The following CIP2A variants were observed in gnomAD, a reference collection of about 807,000 sequenced individuals.
CIP2A encodes protein CIP2A.
CIP2A carries 103 observed loss-of-function variants against 110.9 expected under a neutral mutation model. That is an observed-to-expected ratio of 0.93 (90% CI 0.79 to 1.09). The LOEUF (loss-of-function observed/expected upper bound fraction) is 1.09. Ranked by LOEUF, CIP2A falls within the 50% of genes least tolerant of loss-of-function variation. CIP2A has a pLI of 0.00. For synonymous variants in CIP2A, 381 were observed against 361.6 expected, an observed-to-expected ratio of 1.05 and a Z score of -0.61; for missense variants, 1,088 against 1,038.4, an observed-to-expected ratio of 1.05 and a Z score of -0.66.
At chr3:108,570,921 C>T (rs1412387232) in intron 8 of CIP2A, among the ~76,000 whole-genome samples, 1 of 152,104 alleles carries the variant, frequency 6.6e-6, no homozygotes, top group Admixed American at 6.6e-5. Flanking sequence ...TACAGCTATA[C>T]AAAAATACTT....
chr3:108,579,946 A>G (rs1410937252), intron 5 of CIP2A, among the ~76,000 whole-genome samples: 1 of 152,236 alleles, frequency 6.6e-6, no homozygotes, highest in Non-Finnish European at 1.5e-5. Flanking sequence ...TTGGAGATAA[A>G]TATTTCCAAA....
At chr3:108,554,054 C>A (rs897386648) in intron 18 of CIP2A, among the ~76,000 whole-genome samples, 8 of 151,912 alleles carry the variant, frequency 5.3e-5, no homozygotes, top group African/African-American at 1.9e-4. Flanking sequence ...CGCCACAACA[C>A]CCAGCTAATT....
chr3:108,554,905 A>T (rs1052503177), intron 17 of CIP2A, among the ~76,000 whole-genome samples: 6 of 152,224 alleles, frequency 3.9e-5, no homozygotes, highest in African/African-American at 1.4e-4. Context: ...TAATACTTTG[A>T]TACTCAACTA....
Position 108,554,860 on chromosome 3 carries a change from T to C in CIP2A, c.2211-371A>G, listed in dbSNP as rs950307481. Reference sequence around the variant, plus strand: ...ATCTAATAGTCCTAAGTATTTTACCTGCAAGGTAAACACAGAAAAAAATCC... The same window carrying C: ...ATCTAATAGTCCTAAGTATTTTACCCGCAAGGTAAACACAGAAAAAAATCC... On this transcript the variant is annotated intron_variant, in intron 17 of 20. Transcript: ENST00000295746. Among the ~76,000 whole-genome samples, 4 of 152,346 alleles carry C rather than the reference T, an allele frequency of 2.6e-5. No homozygotes were observed. In the South Asian group the frequency reaches 8.3e-4, roughly 32 times the overall value.
In CIP2A at chr3:108,550,659, C is replaced by T. The variant is rs1431426379; in HGVS notation, c.*490G>A. On this transcript the variant is annotated 3_prime_UTR_variant, in exon 21 of 21. Coordinates refer to ENST00000295746, the MANE Select transcript of CIP2A (RefSeq NM_020890.3). ...AAATTCACTAATATTTTCTTTTGTG[C>T]TTCTTCAGAGACAAACTTCTCTAGC... 2.6e-5 allele frequency: 4 copies of T among 151,660 alleles called. No individual in the cohort carries two copies. Among genetic ancestry groups the T allele is most frequent in the Non-Finnish European group, 5.9e-5 (4 of 67,804 alleles). The allele number at this position is 151,660 out of a possible 1,614,324, so 9.4% of individuals were successfully genotyped here.
chr3:108,582,638 C>G (rs1283674951), intron 3 of CIP2A, among the ~76,000 whole-genome samples: 1 of 152,136 alleles, frequency 6.6e-6, no homozygotes, highest in Admixed American at 6.5e-5. Context: ...TTTTGTAGAA[C>G]GTTTCCTCCA....
intron 11 of CIP2A, 97 bp downstream of exon 11, chr3:108,566,400 T>A: frequency 4.4e-6 from 4 of 912,678 alleles, no homozygotes; most frequent in Non-Finnish European, 6.7e-6. Context: ...ATATCTTAAG[T>A]TATAACCAAA....
chr3:108,553,894 TATAAAAAAAAAAA>T (rs976014404), intron 18 of CIP2A, among the ~76,000 whole-genome samples, 164 bp from the exon 19 acceptor site: 24 of 49,734 alleles, frequency 4.8e-4, no homozygotes, highest in Non-Finnish European at 7.2e-4. Context: ...CTACTAAAAA[TATAAAAAAAAAAA>T]AAAAAAAAAA....
intron 10 of CIP2A, 68 bp downstream of exon 10, chr3:108,568,087 G>T: frequency 8.6e-7 from 1 of 1,157,336 alleles, no homozygotes; most frequent in Non-Finnish European, 1.2e-6. Context: ...AAAATGCAGT[G>T]AATGCAATAC....
chr3:108,585,855 T>C, intron 1 of CIP2A: 1 of 445,524 alleles, frequency 2.2e-6, no homozygotes, highest in Non-Finnish European at 4.5e-6. Context: ...TTGTTTTTTT[T>C]ACTTTCTTGT....
At chr3:108,557,944 T>C (rs1423043876) in intron 16 of CIP2A, among the ~76,000 whole-genome samples, 10 of 152,142 alleles carry the variant, frequency 6.6e-5, no homozygotes, top group Non-Finnish European at 1.2e-4. Flanking sequence ...AAAAAGTTGG[T>C]TCCCCCCAGC....
At position 108,566,603 on chromosome 3, in the gene CIP2A, C is replaced by G. The variant is rs547737176; in HGVS notation, c.1309G>C (p.Ala437Pro). ...CGDDTLKMHI[A>P]KILTTVKCTT... Reference sequence around the variant, plus strand: ...CACTTGACAGTTGTCAAGATTTTTGCAATATGCATTTTTAGTGTATCATCT... The same window carrying G: ...CACTTGACAGTTGTCAAGATTTTTGGAATATGCATTTTTAGTGTATCATCT... Residue 437 changes from alanine (A) to proline (P), a missense_variant, in exon 11 of 21, where the codon GCA becomes CCA. Transcript: ENST00000295746. The G allele has an allele frequency of 5.0e-6, 8 of 1,604,598 alleles. No individual in the cohort carries two copies. The South Asian group carries it at 8.9e-5, about 18-fold the overall frequency.
At chr3:108,578,257 A>G (rs1938749253) in intron 7 of CIP2A, among the ~76,000 whole-genome samples, 2 of 152,246 alleles carry the variant, frequency 1.3e-5, no homozygotes, top group South Asian at 2.1e-4. Context: ...TCTGTTTACT[A>G]TGAAGATGCT....
intron 13 of CIP2A, 32 bp downstream of exon 13, chr3:108,563,094 C>G (rs956449154): frequency 7.2e-7 from 1 of 1,393,220 alleles, no homozygotes; most frequent in South Asian, 1.2e-5. Context: ...TCCAACACCA[C>G]AAGAGATACA....
At chr3:108,553,896 T>TAA (rs71103478) in intron 18 of CIP2A, among the ~76,000 whole-genome samples, 166 bp from the exon 19 acceptor site, 1 of 84,198 alleles carries the variant, frequency 1.2e-5, no homozygotes, top group African/African-American at 4.4e-5. Flanking sequence ...ACTAAAAATA[T>TAA]AAAAAAAAAA....
At chr3:108,587,793 T>C (rs1939113764) in intron 1 of CIP2A, among the ~76,000 whole-genome samples, 1 of 152,260 alleles carries the variant, frequency 6.6e-6, no homozygotes, top group South Asian at 2.1e-4. Flanking sequence ...TTTTTTTGTT[T>C]TGTTTTTGAG....
rs994124881 is a variant in CIP2A at position 108,568,280 on chromosome 3, T to A, written c.1148A>T (p.Asp383Val). Reference protein sequence around the residue: ...VIDAANCSSADRFVTLLLPTI... With the variant: ...VIDAANCSSAVRFVTLLLPTI... ...AGGCAGCAGAAGGGTCACAAAACGATCAGCCGAGGAACAGTTAGCAGCATC... is the reference window on the plus strand; with the variant it reads ...AGGCAGCAGAAGGGTCACAAAACGAACAGCCGAGGAACAGTTAGCAGCATC... The change falls in exon 10 of 21, where the codon GAT becomes GTT. Residue 383 changes from aspartate (D) to valine (V), a missense_variant. Coordinates refer to ENST00000295746, the MANE Select transcript of CIP2A (RefSeq NM_020890.3). 1.2e-6 allele frequency: 2 copies of A among 1,612,148 alleles called. No individual in the cohort carries two copies. Among genetic ancestry groups the A allele is most frequent in the African/African-American group, 2.7e-5 (2 of 74,806 alleles).
chr3:108,568,331 C>T lies in CIP2A; in HGVS notation c.1114-17G>A. On this transcript the variant is annotated splice_polypyrimidine_tract_variant and intron_variant, in intron 9 of 20. Transcript: ENST00000295746. The stretch of plus-strand genomic sequence containing the variant: ...TATGACATCCTGGAGAATTATCCAT[C>T]ACAAATGATTAAAAGCAAAGATGGA... 1 of 1,607,118 alleles carries T rather than the reference C, an allele frequency of 6.2e-7. No homozygotes were observed. The highest frequency in any genetic ancestry group is 1.3e-5 in the African/African-American group (1 of 74,652).
At chr3:108,585,391 C>T (rs1464817450) in intron 1 of CIP2A, among the ~76,000 whole-genome samples, 179 bp from the exon 2 acceptor site, 1 of 152,134 alleles carries the variant, frequency 6.6e-6, no homozygotes, top group East Asian at 1.9e-4. Context: ...CCTAATCCCT[C>T]CCTCCCTAGC....
Sources: gnomAD v4.1 joint callset for allele counts (sites outside exome capture counted in the v4.1 genomes callset) on GRCh38, gnomAD v4.1.1 for gene constraint, MANE v1.5 for transcripts, NCBI Gene and HGNC (gene_info 2026-07-23, HGNC 2026-07-21) for gene names.